The following CEP192 variants were observed in gnomAD, a reference collection of about 807,000 sequenced individuals.
CEP192 encodes the protein centrosomal protein 192, also known as centrosomal protein of 192 kDa.
In CEP192, 151 loss-of-function variants were observed where a neutral mutation model predicts 271.8. The observed-to-expected ratio is 0.56, with a 90% CI of 0.49 to 0.64. CEP192 has a LOEUF of 0.64. Ranked by LOEUF, CEP192 falls within the 30% of genes least tolerant of loss-of-function variation. The pLI is 0.00. For missense variants in CEP192, 2,910 were observed against 3,020.5 expected (o/e 0.96, Z 0.86); for synonymous variants, 995 against 1,076.5 (o/e 0.92, Z 1.48).
intron 21 of CEP192, among the ~76,000 whole-genome samples, chr18:13,063,035 C>T (rs1324386273): frequency 1.3e-5 from 2 of 152,164 alleles, no homozygotes; most frequent in Admixed American, 6.5e-5. Flanking sequence ...CAGTTCCATC[C>T]ATGTTGTTGC....
intron 15 of CEP192, among the ~76,000 whole-genome samples, chr18:13,044,525 G>A (rs570155383): frequency 2.6e-5 from 4 of 152,218 alleles, no homozygotes; most frequent in South Asian, 4.2e-4. Flanking sequence ...CCTTGTAAGA[G>A]GATTGAATCT....
chr18:13,056,345 C>G lies in CEP192; in HGVS notation c.3755C>G (p.Thr1252Arg), dbSNP rs371185112. The G allele has an allele frequency of 1.2e-6, 2 of 1,614,246 alleles. No homozygotes were observed. The highest frequency in any genetic ancestry group is 1.7e-6 in the Non-Finnish European group (2 of 1,180,036). The part of the protein sequence containing the change: ...NMPAAVHALL[T>R]QPSLSAAPFA... Reference sequence around the variant, plus strand: ...CCTGCTGCTGTGCACGCACTCTTGACACAACCCTCTCTCAGCGCTGCTCCT... The same window carrying G: ...CCTGCTGCTGTGCACGCACTCTTGAGACAACCCTCTCTCAGCGCTGCTCCT... Residue 1252 changes from threonine (T) to arginine (R), a missense_variant, in exon 19 of 45, where the codon ACA becomes AGA. Physicochemically the swap from Thr to Arg is moderately conservative, Grantham distance 71. Transcript: ENST00000506447.
At chr18:13,095,393 A>T in intron 34 of CEP192, 110 bp from the exon 35 acceptor site, 1 of 830,086 alleles carries the variant, frequency 1.2e-6, no homozygotes, top group Non-Finnish European at 1.9e-6. Flanking sequence ...TAATGTTTTT[A>T]GATTTATGAA....
chr18:13,068,171 T>C lies in CEP192; in HGVS notation c.4692T>C (p.Asp1564=), dbSNP rs1339751676. The change falls in exon 23 of 45, where the codon GAT becomes GAC. Residue 1564 remains aspartate (D), a synonymous_variant. Transcript: ENST00000506447. ...RAPVEVAPCA[D]VVTRLAGPSV... Reference sequence around the variant, plus strand: ...CTGTGGAAGTTGCTCCTTGCGCTGATGTGGTCACTCGGCTAGCAGGCCCTT... The same window carrying C: ...CTGTGGAAGTTGCTCCTTGCGCTGACGTGGTCACTCGGCTAGCAGGCCCTT... The C allele has an allele frequency of 2.5e-6, 4 of 1,614,276 alleles. No homozygotes were observed. The Admixed American group carries it at 6.7e-5, about 27-fold the overall frequency.
At chr18:13,072,044 A>G (rs965848046) in intron 28 of CEP192, among the ~76,000 whole-genome samples, 4 of 152,218 alleles carry the variant, frequency 2.6e-5, no homozygotes, top group African/African-American at 9.6e-5. Flanking sequence ...TACCTGTGGA[A>G]GGCTTTTCCT....
At chr18:13,041,335 A>G (rs1171543651) in intron 14 of CEP192, among the ~76,000 whole-genome samples, 1 of 152,156 alleles carries the variant, frequency 6.6e-6, no homozygotes, top group Non-Finnish European at 1.5e-5. Context: ...GATAAATATA[A>G]TATTTTTAAT....
rs751079859 is a variant in CEP192 at position 13,056,441 on chromosome 18, A to G, written c.3851A>G (p.Asn1284Ser). ...STTLPQCHAG[N>S]ATVCGFSGGL... is the part of the protein sequence containing the mutation. The stretch of plus-strand genomic sequence containing the variant: ...ACCTTGCCTCAGTGCCATGCTGGCA[A>G]TGCCACAGTCTGTGGCTTCTCAGGA... Residue 1284 changes from asparagine to serine, a missense_variant, in exon 19 of 45, where the codon AAT (asparagine) becomes AGT (serine). Physicochemically the swap from Asn to Ser is conservative, Grantham distance 46. Transcript: ENST00000506447. The G allele has an allele frequency of 1.9e-6, 3 of 1,614,108 alleles. No homozygotes were observed. Among genetic ancestry groups the G allele is most frequent in the African/African-American group, 2.7e-5 (2 of 74,952 alleles).
rs775544715 is a variant in CEP192, at chr18:13,000,091, C to CTTTTTT, written c.164+525_164+530dup. ...CTCTGTATAACTCATTGTCTTCTCT[C>CTTTTTT]TTTTTTTTTTTTTTTTTTTTTTTTT... On this transcript the variant is annotated intron_variant, in intron 2 of 44. Coordinates refer to ENST00000506447, the MANE Select transcript of CEP192 (RefSeq NM_032142.4). Among the ~76,000 whole-genome samples the CTTTTTT allele has an allele frequency of 4.6e-4, 35 of 76,752 alleles. 1 individual carries two copies. The highest frequency in any genetic ancestry group is 5.5e-4 in the Non-Finnish European group (20 of 36,534). The allele number at this position is 76,752 out of a possible 152,430, so 50.4% of individuals were successfully genotyped here.
intron 44 of CEP192, 48 bp from the exon 45 acceptor site, chr18:13,124,584 A>ACG: frequency 6.4e-7 from 1 of 1,565,298 alleles, no homozygotes; most frequent in Non-Finnish European, 8.7e-7. Context: ...GGACAGGGTC[A>ACG]CGGGTGCTGT....
At chr18:13,075,934 G>A (rs1301808414) in intron 30 of CEP192, among the ~76,000 whole-genome samples, 1 of 152,170 alleles carries the variant, frequency 6.6e-6, no homozygotes. Flanking sequence ...ACAGCTCTGT[G>A]TATTGTCATC....
intron 13 of CEP192, 121 bp from the exon 14 acceptor site, chr18:13,040,709 A>G: frequency 2.9e-6 from 2 of 686,034 alleles, no homozygotes; most frequent in Non-Finnish European, 4.6e-6. Context: ...ATTTGAGGTT[A>G]AGTGGGAAGA....
At chr18:13,036,035 T>G (rs10221326) in intron 11 of CEP192, among the ~76,000 whole-genome samples, 105,216 of 151,688 alleles carry the variant, frequency 0.69, 37,430 homozygotes, top group African/African-American at 0.86. Flanking sequence ...AGGCCCAGCT[T>G]TTGGGGAAGC....
chr18:13,114,109 C>T (rs774836933), intron 41 of CEP192, 21 bp from the exon 42 acceptor site: 2 of 1,602,778 alleles, frequency 1.2e-6, no homozygotes, highest in South Asian at 2.3e-5. Context: ...TTCTCCGTTA[C>T]CCTGTGATTT....
At chr18:13,067,788 A>G in intron 21 of CEP192, 43 bp from the exon 22 acceptor site, 1 of 1,534,736 alleles carries the variant, frequency 6.5e-7, no homozygotes, top group Non-Finnish European at 9.0e-7. Context: ...TGTGCTATTA[A>G]TATATTGCTT....
At position 13,008,622 on chromosome 18, in the gene CEP192, CAA is replaced by C; in HGVS notation, c.458_459del (p.Gln153ArgfsTer7). ...CTTCAACAGGGCTTCACCACTGGAA[CAA>C]GCACAAGGTACTGAACTATTTGAAA... The part of the protein sequence containing the change: ...DLFNRASPLE[Q>X]AQDSPIDFHL... On this transcript the variant is annotated frameshift_variant, in exon 4 of 45. Transcript: ENST00000506447. LOFTEE classifies it high-confidence loss of function. The C allele has an allele frequency of 6.5e-7, 1 of 1,548,222 alleles. No homozygotes were observed.
In CEP192 at chr18:13,018,460, C is replaced by T. The variant is rs551258589; in HGVS notation, c.790-20C>T. 1 of 1,459,992 alleles carries T rather than the reference C, an allele frequency of 6.8e-7. No homozygotes were observed. The highest frequency in any genetic ancestry group is 1.3e-5 in the South Asian group (1 of 74,586). The allele number at this position is 1,459,992 out of a possible 1,614,324, so 90.4% of individuals were successfully genotyped here. On this transcript the variant is annotated intron_variant, in intron 7 of 44. Transcript: ENST00000506447. ...ATTTTAATTTAAAAGATTAATACAG[C>T]TAAGATATTCTTTCAACAGGCAAAT...
Position 13,068,371 on chromosome 18 carries a change from C to T in CEP192, c.4771C>T (p.Leu1591=). 1 of 1,612,590 alleles carries T rather than the reference C, an allele frequency of 6.2e-7. No homozygotes were observed. Among genetic ancestry groups the T allele is most frequent in the Middle Eastern group, 1.7e-4 (1 of 5,894 alleles). Residue 1591 remains leucine (L), a synonymous_variant, in exon 24 of 45, where the codon CTG becomes TTG. Transcript: ENST00000506447. The stretch of plus-strand genomic sequence containing the variant: ...TTTAATTTTATAGGATCCAGAATTT[C>T]TGATGATTTGGGTTCTTTTCCATAG... ...ASYDGQDPEF[L]MIWVLFHSPK...
chr18:13,019,816 T>G (rs2034880131), intron 9 of CEP192, among the ~76,000 whole-genome samples: 1 of 152,190 alleles, frequency 6.6e-6, no homozygotes, highest in East Asian at 1.9e-4. Context: ...ATTTACTATC[T>G]TAATCTTTTT....
At chr18:13,114,651 G>A (rs1204549142) in intron 42 of CEP192, among the ~76,000 whole-genome samples, 1 of 152,042 alleles carries the variant, frequency 6.6e-6, no homozygotes, top group Non-Finnish European at 1.5e-5. Context: ...ACTTTTGGAT[G>A]TCTTATAATT....
Sources: allele counts gnomAD v4.1 joint callset (sites outside exome capture counted in the v4.1 genomes callset), GRCh38; gene constraint gnomAD v4.1.1; transcripts MANE v1.5; gene names NCBI Gene and HGNC (gene_info 2026-07-23, HGNC 2026-07-21).